Variants in STAG1 observed in about 807,000 individuals in gnomAD.
The protein encoded by STAG1 is cohesin subunit SA-1.
Under a neutral mutation model 170.9 loss-of-function variants are expected in STAG1, and 26 were observed. The ratio of observed to expected loss-of-function variants is 0.15; its 90% CI spans 0.11 to 0.21. The LOEUF (loss-of-function observed/expected upper bound fraction) is 0.21, where lower values mean the gene tolerates loss of function less well. STAG1 is among the 10% of genes least tolerant of loss of function. STAG1 has a pLI of 1.00. For synonymous variants in STAG1, 514 were observed against 497.7 expected (o/e 1.03, Z -0.44); for missense variants, 964 against 1,509.5 (o/e 0.64, Z 5.99).
intron 1 of STAG1, among the ~76,000 whole-genome samples, chr3:136,723,377 G>A (rs1293916226): frequency 6.6e-5 from 10 of 151,080 alleles, no homozygotes; most frequent in Non-Finnish European, 1.0e-4. Flanking sequence ...ACCTCTACCC[G>A]GCCGCGACCC....
At chr3:136,701,601 A>T (rs761499161) in intron 1 of STAG1, among the ~76,000 whole-genome samples, 4 of 152,206 alleles carry the variant, frequency 2.6e-5, no homozygotes, top group African/African-American at 4.8e-5. Flanking sequence ...GGATGTAAAT[A>T]TGTTGAATCT....
intron 2 of STAG1, among the ~76,000 whole-genome samples, chr3:136,629,531 G>T (rs1940243859): frequency 2.0e-5 from 3 of 151,518 alleles, no homozygotes; most frequent in Admixed American, 2.0e-4. Context: ...TCAGGTACAG[G>T]GGTAAAAAAG....
intron 26 of STAG1, among the ~76,000 whole-genome samples, chr3:136,361,637 G>A (rs1447179859): frequency 6.6e-6 from 1 of 151,942 alleles, no homozygotes; most frequent in Non-Finnish European, 1.5e-5. Flanking sequence ...TAGAAATGGG[G>A]TCTCACTCTG....
chr3:136,590,994 G>GTT (rs113324601), intron 4 of STAG1, among the ~76,000 whole-genome samples: 7 of 147,142 alleles, frequency 4.8e-5, no homozygotes, highest in African/African-American at 1.5e-4. Context: ...GTGTTGTTTT[G>GTT]TTTTTTTTTG....
intron 10 of STAG1, among the ~76,000 whole-genome samples, chr3:136,474,103 G>A (rs927747368): frequency 3.3e-5 from 5 of 152,102 alleles, no homozygotes; most frequent in Admixed American, 3.3e-4. Flanking sequence ...AACAGAAATA[G>A]CACAATGTTT....
rs560187229 is a variant in STAG1, at chr3:136,522,236, C to A, written c.472-819G>T. ...TAGGCAAATTTCTTTATAAATGAGG[C>A]CTTGAGCTCTACTGGAGTCATAGGA... On this transcript the variant is annotated intron_variant, in intron 6 of 33. Coordinates refer to ENST00000383202, the MANE Select transcript of STAG1 (RefSeq NM_005862.3). Among the ~76,000 whole-genome samples the A allele has an allele frequency of 1.1e-4, 16 of 152,252 alleles. No homozygotes were observed. In the South Asian group the frequency reaches 2.3e-3, roughly 22 times the overall value.
At chr3:136,394,961 A>C (rs2087110349) in intron 22 of STAG1, among the ~76,000 whole-genome samples, 1 of 149,962 alleles carries the variant, frequency 6.7e-6, no homozygotes. Context: ...AAAAAAAAAA[A>C]TGTAGCTAGG....
At chr3:136,372,635 T>A (rs1201195831) in intron 23 of STAG1, among the ~76,000 whole-genome samples, 1 of 152,248 alleles carries the variant, frequency 6.6e-6, no homozygotes, top group Non-Finnish European at 1.5e-5. Flanking sequence ...GTTCTGTTTA[T>A]ATGCTGGATT....
intron 1 of STAG1, among the ~76,000 whole-genome samples, chr3:136,644,213 T>C (rs904762704): frequency 2.0e-5 from 3 of 152,228 alleles, no homozygotes; most frequent in African/African-American, 7.2e-5. Context: ...AAAATTAATT[T>C]CTAGGTGGTG....
At chr3:136,466,388 G>C (rs1405653896) in intron 12 of STAG1, among the ~76,000 whole-genome samples, 1 of 152,178 alleles carries the variant, frequency 6.6e-6, no homozygotes, top group Non-Finnish European at 1.5e-5. Flanking sequence ...CGATCAACTG[G>C]AAGAAAGGGT....
At chr3:136,736,433 T>C (rs1381247869) in intron 1 of STAG1, 7 of 1,169,342 alleles carry the variant, frequency 6.0e-6, no homozygotes, top group Non-Finnish European at 7.6e-6. Flanking sequence ...AAAGAATGAG[T>C]CCTTCGAAGC....
chr3:136,672,040 C>T (rs1166542065), intron 1 of STAG1, among the ~76,000 whole-genome samples: 1 of 152,184 alleles, frequency 6.6e-6, no homozygotes, highest in African/African-American at 2.4e-5. Flanking sequence ...ACCAATCCAC[C>T]AATAAATTTC....
In STAG1 at chr3:136,525,574, G is replaced by A. The variant is rs546263080; in HGVS notation, c.472-4157C>T. On this transcript the variant is annotated intron_variant, in intron 6 of 33. Coordinates refer to ENST00000383202, the MANE Select transcript of STAG1 (RefSeq NM_005862.3). ...CCTAGATTCATTAATTTTTTGAAGG[G>A]TTTTTTCTGTCTCTATCTCCTTCAG... Among the ~76,000 whole-genome samples the A allele has an allele frequency of 2.0e-5, 3 of 152,160 alleles. No homozygotes were observed. The South Asian group carries it at 6.2e-4, about 32-fold the overall frequency.
chr3:136,542,226 T>C, intron 5 of STAG1, 31 bp from the exon 6 acceptor site: 1 of 1,517,452 alleles, frequency 6.6e-7, no homozygotes, highest in African/African-American at 1.4e-5. Context: ...CATTAATCTT[T>C]CAATTAATCT....
chr3:136,426,592 C>T (rs1483440425), intron 16 of STAG1, among the ~76,000 whole-genome samples: 2 of 152,178 alleles, frequency 1.3e-5, no homozygotes, highest in Non-Finnish European at 2.9e-5. Context: ...CTCACACACA[C>T]ACTTACAGAT....
At position 136,397,412 on chromosome 3, in the gene STAG1, A is replaced by G. The variant is rs115500698; in HGVS notation, c.2277+1337T>C. Among the ~76,000 whole-genome samples, 994 of 151,716 alleles carry G rather than the reference A, an allele frequency of 6.6e-3. 10 individuals carry two copies. Among genetic ancestry groups the G allele is most frequent in the African/African-American group, 0.023 (965 of 41,454 alleles). ...TTCTGTTAGGTGGTTGGGGATTACC[A>G]CCATTATAGAACACTTAATCAAAAT... On this transcript the variant is annotated intron_variant, in intron 22 of 33. Coordinates refer to ENST00000383202, the MANE Select transcript of STAG1 (RefSeq NM_005862.3).
chr3:136,485,961 G>T (rs990067095), intron 9 of STAG1, among the ~76,000 whole-genome samples: 1 of 152,152 alleles, frequency 6.6e-6, no homozygotes, highest in Non-Finnish European at 1.5e-5. Context: ...CTAACAATGA[G>T]TCCATGAATA....
intron 22 of STAG1, among the ~76,000 whole-genome samples, chr3:136,394,796 T>C (rs891310274): frequency 6.6e-6 from 1 of 151,714 alleles, no homozygotes; most frequent in African/African-American, 2.4e-5. Context: ...CTACTAAACA[T>C]ACAAAAATTA....
chr3:136,678,850 C>CAAAAAAAAA (rs559610524), intron 1 of STAG1, among the ~76,000 whole-genome samples: 29 of 34,766 alleles, frequency 8.3e-4, no homozygotes, highest in Non-Finnish European at 9.8e-4. Flanking sequence ...CCCATGCTCA[C>CAAAAAAAAA]AAAAAAAAAA....
Sources: gnomAD v4.1 joint callset for allele counts (sites outside exome capture counted in the v4.1 genomes callset) on GRCh38, gnomAD v4.1.1 for gene constraint, MANE v1.5 for transcripts, NCBI Gene and HGNC (gene_info 2026-07-23, HGNC 2026-07-21) for gene names.